LUZP2: variants seen among roughly 807,000 people sequenced by gnomAD.
LUZP2 encodes leucine zipper protein 2.
LUZP2 carries 52 observed loss-of-function variants against 51.6 expected under a neutral mutation model. The observed-to-expected ratio is 1.01, with a 90% confidence interval of 0.81 to 1.27. The LOEUF is 1.27. LUZP2 is among the 50% of genes most tolerant of loss of function. LUZP2 has a pLI of 0.00. For synonymous variants in LUZP2, 154 were observed against 137.3 expected, an observed-to-expected ratio of 1.12 and a Z score of -0.85; for missense variants, 436 against 395.4, an observed-to-expected ratio of 1.10 and a Z score of -0.87.
chr11:24,567,557 A>G (rs1214163301), intron 1 of LUZP2, among the ~76,000 whole-genome samples: 1 of 152,110 alleles, frequency 6.6e-6, no homozygotes, highest in Non-Finnish European at 1.5e-5. Flanking sequence ...AGCCAAAGTT[A>G]AAGAGAAATT....
intron 10 of LUZP2, among the ~76,000 whole-genome samples, chr11:25,057,744 G>T (rs1031552247): frequency 6.6e-6 from 1 of 151,940 alleles, no homozygotes; most frequent in African/African-American, 2.4e-5. Context: ...CTTATGTTTA[G>T]CACCGGGAGC....
intron 4 of LUZP2, among the ~76,000 whole-genome samples, chr11:24,743,930 C>G (rs949137339): frequency 6.6e-6 from 1 of 151,956 alleles, no homozygotes; most frequent in Admixed American, 6.6e-5. Flanking sequence ...AATGCTTGTT[C>G]TGATGAGCAT....
At chr11:24,753,311 A>G (rs555482307) in intron 4 of LUZP2, among the ~76,000 whole-genome samples, 1 of 152,170 alleles carries the variant, frequency 6.6e-6, no homozygotes, top group Admixed American at 6.6e-5. Context: ...AGAAGCTTCC[A>G]TGCGCTCGCT....
At chr11:24,821,226 A>G (rs762654628) in intron 5 of LUZP2, among the ~76,000 whole-genome samples, 11 of 152,124 alleles carry the variant, frequency 7.2e-5, no homozygotes, top group Admixed American at 5.2e-4. Context: ...TAATTGTCCT[A>G]TTAATTAGCA....
At chr11:25,044,257 G>GTATATATATA (rs1235208041) in intron 9 of LUZP2, among the ~76,000 whole-genome samples, 11 of 60,782 alleles carry the variant, frequency 1.8e-4, no homozygotes, top group Non-Finnish European at 3.7e-4. Context: ...GTGTGTGTGT[G>GTATATATATA]TATATATATA....
intron 9 of LUZP2, among the ~76,000 whole-genome samples, chr11:25,033,023 A>G (rs1857737406): frequency 6.6e-6 from 1 of 152,202 alleles, no homozygotes. Context: ...CCTCTTAACA[A>G]TCATCTAACT....
intron 7 of LUZP2, among the ~76,000 whole-genome samples, chr11:24,966,395 A>G (rs1855583155): frequency 6.6e-6 from 1 of 150,878 alleles, no homozygotes; most frequent in Non-Finnish European, 1.5e-5. Context: ...GAAGAACAAC[A>G]TTTTATATAT....
At chr11:24,566,141 G>A (rs1852204505) in intron 1 of LUZP2, among the ~76,000 whole-genome samples, 1 of 151,516 alleles carries the variant, frequency 6.6e-6, no homozygotes, top group Non-Finnish European at 1.5e-5. Context: ...TTTTCAAGGG[G>A]CCTAAATATT....
intron 1 of LUZP2, among the ~76,000 whole-genome samples, chr11:24,608,333 A>C (rs1341640311): frequency 6.6e-6 from 1 of 152,188 alleles, no homozygotes; most frequent in African/African-American, 2.4e-5. Flanking sequence ...ATCAGACACT[A>C]TACAATTATA....
At chr11:24,619,615 A>G (rs1342991980) in intron 1 of LUZP2, among the ~76,000 whole-genome samples, 1 of 152,142 alleles carries the variant, frequency 6.6e-6, no homozygotes, top group Non-Finnish European at 1.5e-5. Flanking sequence ...ATCCCTCAGT[A>G]TTTATGTGTG....
intron 5 of LUZP2, among the ~76,000 whole-genome samples, chr11:24,764,489 C>CAAAAAAAAAAAA (rs1565124723): frequency 0.029 from 1,641 of 56,094 alleles, 114 homozygotes; most frequent in East Asian, 0.15. Context: ...AATCTCATCT[C>CAAAAAAAAAAAA]TAAAAAAAAA....
chr11:24,802,873 T>C (rs1849733714), intron 5 of LUZP2, among the ~76,000 whole-genome samples: 1 of 152,092 alleles, frequency 6.6e-6, no homozygotes, highest in Non-Finnish European at 1.5e-5. Context: ...AATTATCTTA[T>C]ATAAAAGGTT....
intron 9 of LUZP2, among the ~76,000 whole-genome samples, chr11:24,993,891 C>T (rs1449841688): frequency 1.3e-5 from 2 of 152,052 alleles, no homozygotes; most frequent in Non-Finnish European, 2.9e-5. Context: ...AATAGAGTCT[C>T]GCTCTGTTGC....
At chr11:24,566,911 ATATAT>A (rs1852256540) in intron 1 of LUZP2, among the ~76,000 whole-genome samples, 9 of 2,890 alleles carry the variant, frequency 3.1e-3, no homozygotes, top group Non-Finnish European at 4.8e-3. Context: ...TGTTATATAT[ATATAT>A]ATGTATATAT....
At chr11:24,958,184 G>A (rs1278963780) in intron 7 of LUZP2, among the ~76,000 whole-genome samples, 4 of 152,116 alleles carry the variant, frequency 2.6e-5, no homozygotes, top group African/African-American at 9.7e-5. Flanking sequence ...CCAAGTCTTT[G>A]CTATTGTGAA....
chr11:24,890,894 C>CCT lies in LUZP2; in HGVS notation c.397-15097_397-15096insCT, dbSNP rs1554932709. The CCT allele has an allele frequency of 4.2e-4, 314 of 740,128 alleles. 1 individual carries two copies. The South Asian group carries it at 6.0e-3, about 14-fold the overall frequency. The allele number at this position is 740,128 out of a possible 1,614,324, so 45.8% of individuals were successfully genotyped here. On this transcript the variant is annotated intron_variant, in intron 5 of 11. Transcript: ENST00000336930. ...GCCATTTACAGGAGGAGTAAAAGTTCTTTTTTTTTTTTTTTTTTTTGCAGG... is the reference window on the plus strand; with the variant it reads ...GCCATTTACAGGAGGAGTAAAAGTTCCTTTTTTTTTTTTTTTTTTTTTGCAGG...
At chr11:25,038,746 G>A (rs1162694615) in intron 9 of LUZP2, among the ~76,000 whole-genome samples, 2 of 152,124 alleles carry the variant, frequency 1.3e-5, no homozygotes, top group African/African-American at 4.8e-5. Flanking sequence ...CAGAGTTCTT[G>A]CACTGACTAT....
chr11:24,599,387 C>CA (rs1421258680), intron 1 of LUZP2, among the ~76,000 whole-genome samples: 2 of 152,080 alleles, frequency 1.3e-5, no homozygotes, highest in African/African-American at 2.4e-5. Flanking sequence ...ATCGTTCTTG[C>CA]AAGTTTACTC....
chr11:24,674,890 G>A (rs1326509192), intron 1 of LUZP2, among the ~76,000 whole-genome samples: 1 of 152,146 alleles, frequency 6.6e-6, no homozygotes, highest in Non-Finnish European at 1.5e-5. Context: ...ATTTTAGATA[G>A]TCTTCCCTTT....
Sources: gnomAD v4.1 joint callset for allele counts (sites outside exome capture counted in the v4.1 genomes callset) on GRCh38, gnomAD v4.1.1 for gene constraint, MANE v1.5 for transcripts, NCBI Gene and HGNC (gene_info 2026-07-23, HGNC 2026-07-21) for gene names.